ZNF264: variants seen among roughly 807,000 people sequenced by gnomAD.
The protein encoded by ZNF264 is zinc finger protein 264.
ZNF264 carries 11 observed loss-of-function variants against 11.2 expected under a neutral mutation model. That is an observed-to-expected ratio of 0.98 (90% confidence interval 0.62 to 1.63). The LOEUF is 1.63. Among genes scored for constraint, ZNF264 ranks in the 40% most tolerant of loss-of-function variants. The pLI is 0.00. For synonymous variants in ZNF264, 309 were observed against 279.8 expected (o/e 1.10, Z -1.04); for missense variants, 752 against 768.1 (o/e 0.98, Z 0.25).
intron 2 of ZNF264, among the ~76,000 whole-genome samples, chr19:57,195,220 C>T (rs2087203705): frequency 6.6e-6 from 1 of 152,168 alleles, no homozygotes; most frequent in Non-Finnish European, 1.5e-5. Context: ...CACACTAATC[C>T]CCAACCCAAG....
chr19:57,201,331 A>C (rs904198657), intron 2 of ZNF264, among the ~76,000 whole-genome samples: 2 of 151,972 alleles, frequency 1.3e-5, no homozygotes, highest in African/African-American at 4.9e-5. Context: ...GGAGAGGAAG[A>C]GGTTTGATGC....
In ZNF264 at chr19:57,191,550, G is replaced by C. The variant is rs977544301; in HGVS notation, c.-364G>C. ...GAGGTCTGTAGCCACTGAGGGCCCC[G>C]GTCGGGGCCGCTTTGCAGGTCCCTA... is the stretch of plus-strand genomic sequence containing the variant. On this transcript the variant is annotated 5_prime_UTR_variant, in exon 1 of 4. Coordinates refer to ENST00000263095, the MANE Select transcript of ZNF264 (RefSeq NM_003417.5). 4.0e-6 allele frequency: 1 copy of C among 249,032 alleles called. No homozygotes were observed. The highest frequency in any genetic ancestry group is 7.1e-5 in the East Asian group (1 of 14,044). The allele number at this position is 249,032 out of a possible 1,614,324, so 15.4% of individuals were successfully genotyped here. A position where few individuals can be genotyped will look rare whatever the true frequency, so the allele number is the denominator to read the frequency against.
chr19:57,200,838 C>G (rs1377027202), intron 2 of ZNF264, among the ~76,000 whole-genome samples: 1 of 151,890 alleles, frequency 6.6e-6, no homozygotes, highest in Non-Finnish European at 1.5e-5. Flanking sequence ...CCTCGAACTC[C>G]TGAGCTGAAG....
rs1568477420 is a variant in ZNF264 at position 57,212,699 on chromosome 19, TG to T, written c.1604del (p.Gly535GlufsTer35). On this transcript the variant is annotated frameshift_variant, in exon 4 of 4. Transcript: ENST00000263095. LOFTEE classifies it low-confidence loss of function (END_TRUNC). ...NLIRHAIIHT[G>X]EKPYKCSECG... Reference sequence around the variant, plus strand: ...TCATTCGACATGCCATTATCCACACTGGAGAGAAGCCCTATAAATGTAGTGA... The same window carrying T: ...TCATTCGACATGCCATTATCCACACTGAGAGAAGCCCTATAAATGTAGTGA... 3 of 1,614,180 alleles carry T rather than the reference TG, an allele frequency of 1.9e-6. No individual in the cohort carries two copies. The highest frequency in any genetic ancestry group is 1.1e-5 in the South Asian group (1 of 91,084).
At chr19:57,198,083 G>A (rs1272508655) in intron 2 of ZNF264, among the ~76,000 whole-genome samples, 2 of 151,994 alleles carry the variant, frequency 1.3e-5, no homozygotes, top group Non-Finnish European at 2.9e-5. Flanking sequence ...TATATTGCTG[G>A]CCTTGCCAGC....
At position 57,221,780 on chromosome 19, in the gene ZNF264, C is replaced by T. The variant is rs899407323; in HGVS notation, c.*8799C>T. On this transcript the variant is annotated 3_prime_UTR_variant, in exon 4 of 4. Coordinates refer to ENST00000263095, the MANE Select transcript of ZNF264 (RefSeq NM_003417.5). ...TCAGCTGAAAACGTTATCCCCCTTT[C>T]AGCTGGGGGGAAAAAAAGGCACCGA... 1 of 152,044 alleles carries T rather than the reference C, an allele frequency of 6.6e-6. No homozygotes were observed. The highest frequency in any genetic ancestry group is 2.4e-5 in the African/African-American group (1 of 41,402). 9.4% of individuals were successfully genotyped at this position (152,044 alleles called of 1,614,324 possible).
chr19:57,210,994 C>T (rs1363054073), intron 3 of ZNF264, among the ~76,000 whole-genome samples: 5 of 152,196 alleles, frequency 3.3e-5, no homozygotes, highest in Non-Finnish European at 7.3e-5. Context: ...TCATTAGGTG[C>T]TCCTTCCTCG....
chr19:57,194,160 TCTC>T, intron 2 of ZNF264, 159 bp downstream of exon 2: 1 of 1,003,658 alleles, frequency 1.0e-6, no homozygotes, highest in Non-Finnish European at 1.4e-6. Flanking sequence ...TCCTATCTGG[TCTC>T]CTATATCTCT....
At chr19:57,193,134 T>C (rs2087187386) in intron 1 of ZNF264, among the ~76,000 whole-genome samples, 1 of 152,048 alleles carries the variant, frequency 6.6e-6, no homozygotes, top group Non-Finnish European at 1.5e-5. Context: ...GTTGGGGGAG[T>C]GTTGGAGTTA....
intron 1 of ZNF264, chr19:57,193,665 C>T (rs924020): frequency 0.96 from 629,304 of 654,298 alleles, 302,709 homozygotes; most frequent in East Asian, 1. Flanking sequence ...CATTCTCTAA[C>T]GGCCGTTAAA....
In ZNF264 at chr19:57,217,001, C is replaced by G. The variant is rs930434872; in HGVS notation, c.*4020C>G. The G allele has an allele frequency of 6.6e-6, 1 of 152,080 alleles. No homozygotes were observed. Among genetic ancestry groups the G allele is most frequent in the Non-Finnish European group, 1.5e-5 (1 of 68,018 alleles). 9.4% of individuals were successfully genotyped at this position (152,080 alleles called of 1,614,324 possible). ...TATGTCAAATATGCATTTAATACAC[C>G]TACCCTGCTGAACATCATAGCCGAT... On this transcript the variant is annotated 3_prime_UTR_variant, in exon 4 of 4. Coordinates refer to ENST00000263095, the MANE Select transcript of ZNF264 (RefSeq NM_003417.5).
chr19:57,192,040 C>T lies in ZNF264; in HGVS notation c.33+94C>T, dbSNP rs536510672. 26 of 1,209,584 alleles carry T rather than the reference C, an allele frequency of 2.1e-5. No homozygotes were observed. In the African/African-American group the frequency reaches 3.5e-4, roughly 16 times the overall value. 74.9% of individuals were successfully genotyped at this position (1,209,584 alleles called of 1,614,324 possible). The stretch of plus-strand genomic sequence containing the variant: ...GAGCCCAGGTATCCCCTGGATTTGT[C>T]TTCGCAGTCGTCGTTCGCTTTGGTG... On this transcript the variant is annotated intron_variant, in intron 1 of 3. Transcript: ENST00000263095.
Position 57,211,510 on chromosome 19 carries a change from G to A in ZNF264, c.413G>A (p.Gly138Glu), listed in dbSNP as rs1027452982. Residue 138 changes from glycine to glutamate, a missense_variant, in exon 4 of 4, where the codon GGA becomes GAA. Transcript: ENST00000263095. The part of the protein sequence containing the change: ...DQDGLSEMQE[G>E]HFRPGIDPQE... ...GATGGGCTATCAGAAATGCAGGAAG[G>A]ACACTTCAGACCAGGAATAGATCCC... 1 of 1,613,962 alleles carries A rather than the reference G, an allele frequency of 6.2e-7. No individual in the cohort carries two copies. Among genetic ancestry groups the A allele is most frequent in the Non-Finnish European group, 8.5e-7 (1 of 1,180,032 alleles).
At chr19:57,209,194 A>G (rs1354907935) in intron 3 of ZNF264, among the ~76,000 whole-genome samples, 1 of 152,126 alleles carries the variant, frequency 6.6e-6, no homozygotes, top group Non-Finnish European at 1.5e-5. Flanking sequence ...GACTTTTCTT[A>G]TATAATTAAT....
At chr19:57,198,957 A>G (rs867388923) in intron 2 of ZNF264, among the ~76,000 whole-genome samples, 1 of 152,016 alleles carries the variant, frequency 6.6e-6, no homozygotes, top group African/African-American at 2.4e-5. Flanking sequence ...TTTGTAATTC[A>G]AATTAGTCTT....
intron 3 of ZNF264, 81 bp from the exon 4 acceptor site, chr19:57,211,273 G>T (rs2087332851): frequency 7.4e-7 from 1 of 1,343,570 alleles, no homozygotes; most frequent in African/African-American, 1.5e-5. Flanking sequence ...TTTATCTATG[G>T]TTTTTCACAG....
chr19:57,212,120 T>C lies in ZNF264; in HGVS notation c.1023T>C (p.Asn341=), dbSNP rs1428890863. The C allele has an allele frequency of 6.2e-7, 1 of 1,613,596 alleles. No homozygotes were observed. Among genetic ancestry groups the C allele is most frequent in the South Asian group, 1.1e-5 (1 of 91,046 alleles). Residue 341 remains asparagine, a synonymous_variant, in exon 4 of 4, where the codon AAT becomes AAC. Transcript: ENST00000263095. ...ACTATGTTGTCCACAGTGGTGAGAA[T>C]CCCTATGAGTGCTTGGAGTGTGGCA... ...LRHYVVHSGE[N]PYECLECGKV...
chr19:57,196,135 A>G (rs528913705), intron 2 of ZNF264, among the ~76,000 whole-genome samples: 1 of 151,982 alleles, frequency 6.6e-6, no homozygotes, highest in South Asian at 2.1e-4. Context: ...CATTCTGTCA[A>G]TCCAGTTGCT....
rs1393186950 is a variant in ZNF264 at position 57,214,613 on chromosome 19, A to C, written c.*1632A>C. The C allele has an allele frequency of 6.6e-6, 1 of 152,338 alleles. No homozygotes were observed. Among genetic ancestry groups the C allele is most frequent in the Non-Finnish European group, 1.5e-5 (1 of 68,108 alleles). 9.4% of individuals were successfully genotyped at this position (152,338 alleles called of 1,614,324 possible). A position where few individuals can be genotyped will look rare whatever the true frequency, so the allele number is the denominator to read the frequency against. ...AGCAACCTGCTTGCCTGGGTCTCCCAAAGTGCTGGGATTACAGGCGTGAGC... is the reference window on the plus strand; with the variant it reads ...AGCAACCTGCTTGCCTGGGTCTCCCCAAGTGCTGGGATTACAGGCGTGAGC... On this transcript the variant is annotated 3_prime_UTR_variant, in exon 4 of 4. Coordinates refer to ENST00000263095, the MANE Select transcript of ZNF264 (RefSeq NM_003417.5).
Sources: allele counts gnomAD v4.1 joint callset (sites outside exome capture counted in the v4.1 genomes callset), GRCh38; gene constraint gnomAD v4.1.1; transcripts MANE v1.5; gene names NCBI Gene and HGNC (gene_info 2026-07-23, HGNC 2026-07-21).